The following SDK1 variants were observed in gnomAD, a reference collection of about 807,000 sequenced individuals.
SDK1 encodes the protein sidekick cell adhesion molecule 1, also known as protein sidekick-1.
A neutral mutation model predicts 245.5 loss-of-function variants in SDK1; 157 were observed. The observed-to-expected ratio is 0.64, with a 90% confidence interval of 0.56 to 0.73. The LOEUF is 0.73. Among genes scored for constraint, SDK1 ranks in the 30% least tolerant of loss-of-function variants. The probability of loss-of-function intolerance (pLI) is 0.00; values close to 1 mark genes in which losing one functional copy is unlikely to be tolerated. For synonymous variants in SDK1, 1,647 were observed against 1,278.5 expected (o/e 1.29, Z -6.15); for missense variants, 3,583 against 3,002.3 (o/e 1.19, Z -4.52).
At chr7:3,984,105 G>A (rs753408152) in intron 13 of SDK1, among the ~76,000 whole-genome samples, 4 of 152,164 alleles carry the variant, frequency 2.6e-5, no homozygotes, top group African/African-American at 9.7e-5. Flanking sequence ...CCTGCTTCGG[G>A]TAGATACTTC....
chr7:4,132,281 G>C (rs201827485), intron 27 of SDK1, 44 bp from the exon 28 acceptor site: 28 of 1,491,340 alleles, frequency 1.9e-5, no homozygotes, highest in Non-Finnish European at 2.5e-5. Context: ...CGCACCCAAG[G>C]AACACTGTCT....
chr7:3,456,865 T>G (rs73294825), intron 1 of SDK1, among the ~76,000 whole-genome samples: 2,916 of 152,270 alleles, frequency 0.019, 110 homozygotes, highest in African/African-American at 0.067. Context: ...TTAGTTAGGT[T>G]TAGCACTCAG....
intron 1 of SDK1, among the ~76,000 whole-genome samples, chr7:3,364,361 C>G (rs1392731073): frequency 2.0e-5 from 3 of 152,148 alleles, no homozygotes; most frequent in Non-Finnish European, 4.4e-5. Context: ...TCTGCCTAGA[C>G]TTGGATCCTG....
At chr7:4,190,281 G>A (rs943296370) in intron 35 of SDK1, among the ~76,000 whole-genome samples, 1 of 152,174 alleles carries the variant, frequency 6.6e-6, no homozygotes, top group Admixed American at 6.5e-5. Flanking sequence ...CATTTCTGCG[G>A]CCACAGTCTC....
intron 1 of SDK1, among the ~76,000 whole-genome samples, chr7:3,431,703 T>C (rs1199285585): frequency 6.6e-6 from 1 of 152,138 alleles, no homozygotes; most frequent in East Asian, 1.9e-4. Context: ...TTTGGAGCTC[T>C]GAGATATGAA....
At chr7:3,640,880 C>T (rs1782627676) in intron 3 of SDK1, among the ~76,000 whole-genome samples, 1 of 152,068 alleles carries the variant, frequency 6.6e-6, no homozygotes, top group Non-Finnish European at 1.5e-5. Flanking sequence ...GATCGGGCTT[C>T]ACCATGTTGG....
rs569346674 is a variant in SDK1, at chr7:4,100,474, A to C, written c.3325-10189A>C. 2.3e-4 allele frequency among the ~76,000 whole-genome samples: 35 copies of C among 152,104 alleles called. 1 individual carries two copies. Among genetic ancestry groups the C allele is most frequent in the African/African-American group, 8.0e-4 (33 of 41,504 alleles). On this transcript the variant is annotated intron_variant, in intron 22 of 44. Coordinates refer to ENST00000404826, the MANE Select transcript of SDK1 (RefSeq NM_152744.4). ...GGCGCTGTGGACTGAGCGTGCCCCC[A>C]ATTCCTGTGCTGAAATCCTCACCCC...
rs192895247 is a variant in SDK1 at position 3,517,063 on chromosome 7, G to T, written c.299-102017G>T. ...CATTCCTGATTTTTCTCTGTAGTCT[G>T]TATTTTATACATTATTCATAAATGT... is the stretch of plus-strand genomic sequence containing the variant. On this transcript the variant is annotated intron_variant, in intron 1 of 44. Coordinates refer to ENST00000404826, the MANE Select transcript of SDK1 (RefSeq NM_152744.4). 2.5e-3 allele frequency among the ~76,000 whole-genome samples: 380 copies of T among 152,148 alleles called. 2 individuals carry two copies. The highest frequency in any genetic ancestry group is 8.0e-3 in the African/African-American group (331 of 41,512).
intron 5 of SDK1, among the ~76,000 whole-genome samples, chr7:3,824,547 C>T (rs957593097): frequency 1.3e-5 from 2 of 152,118 alleles, no homozygotes; most frequent in African/African-American, 2.4e-5. Context: ...TAATCCGTTC[C>T]TTCCTTGAGG....
intron 5 of SDK1, among the ~76,000 whole-genome samples, chr7:3,923,171 T>A (rs952998578): frequency 2.6e-5 from 4 of 152,250 alleles, no homozygotes; most frequent in African/African-American, 9.6e-5. Flanking sequence ...TTGATTCAGA[T>A]TCTCTGGTTG....
intron 33 of SDK1, 47 bp from the exon 34 acceptor site, chr7:4,175,728 C>T (rs771245341): frequency 1.9e-5 from 29 of 1,510,164 alleles, no homozygotes; most frequent in East Asian, 4.5e-5. Flanking sequence ...CTGCGATGGC[C>T]GTGTCCCTGC....
chr7:3,960,662 C>T (rs941009717), intron 8 of SDK1, among the ~76,000 whole-genome samples: 1 of 152,148 alleles, frequency 6.6e-6, no homozygotes, highest in Non-Finnish European at 1.5e-5. Flanking sequence ...GTCCTCAGCT[C>T]CTGACCAGCT....
At chr7:3,310,766 C>G (rs1779531095) in intron 1 of SDK1, among the ~76,000 whole-genome samples, 1 of 152,182 alleles carries the variant, frequency 6.6e-6, no homozygotes, top group African/African-American at 2.4e-5. Flanking sequence ...GTATAGCATA[C>G]TGTTTAAGAG....
Position 3,386,610 on chromosome 7 carries a change from G to C in SDK1, c.298+84726G>C, listed in dbSNP as rs147634078. ...AGCTTCTATAAACATTTTCCTTCTG[G>C]AACTATGCCCAGTCCACCTGTTCAC... On this transcript the variant is annotated intron_variant, in intron 1 of 44. Transcript: ENST00000404826. Among the ~76,000 whole-genome samples, 19 of 152,228 alleles carry C rather than the reference G, an allele frequency of 1.2e-4. No homozygotes were observed. The East Asian group carries it at 3.7e-3, about 29-fold the overall frequency.
intron 4 of SDK1, among the ~76,000 whole-genome samples, chr7:3,817,741 C>A (rs1372579528): frequency 6.6e-6 from 1 of 152,292 alleles, no homozygotes; most frequent in African/African-American, 2.4e-5. Flanking sequence ...TGCAGGTGGT[C>A]AGAGACCCAG....
intron 2 of SDK1, among the ~76,000 whole-genome samples, chr7:3,628,856 G>A (rs2128647345): frequency 6.6e-6 from 1 of 152,278 alleles, no homozygotes; most frequent in African/African-American, 2.4e-5. Context: ...TTTGCCCTCT[G>A]CTTACTGCCT....
rs115424990 is a variant in SDK1 at position 3,690,008 on chromosome 7, A to G, written c.713+47903A>G. ...TATTTGAGTTGTTAAGCTACAAAAT[A>G]TATTTGCTAAATGTTTTTGCAAAAA... On this transcript the variant is annotated intron_variant, in intron 4 of 44. Transcript: ENST00000404826. 8.8e-3 allele frequency among the ~76,000 whole-genome samples: 1,347 copies of G among 152,376 alleles called. 14 individuals are homozygous for G. Among genetic ancestry groups the G allele is most frequent in the African/African-American group, 0.029 (1,205 of 41,580 alleles).
chr7:3,492,661 C>G (rs1230160848), intron 1 of SDK1, among the ~76,000 whole-genome samples: 2 of 152,220 alleles, frequency 1.3e-5, no homozygotes, highest in Non-Finnish European at 2.9e-5. Context: ...TCACAGGTAA[C>G]AAGTGCCCTG....
chr7:3,482,051 A>G (rs1781537641), intron 1 of SDK1, among the ~76,000 whole-genome samples: 1 of 152,210 alleles, frequency 6.6e-6, no homozygotes, highest in African/African-American at 2.4e-5. Context: ...TCTATTAAAG[A>G]AAAAAGGCAA....
Sources: allele counts gnomAD v4.1 joint callset (sites outside exome capture counted in the v4.1 genomes callset), GRCh38; gene constraint gnomAD v4.1.1; transcripts MANE v1.5; gene names NCBI Gene and HGNC (gene_info 2026-07-23, HGNC 2026-07-21).